Variants in CCDC6 observed in about 807,000 individuals in gnomAD.
CCDC6 encodes coiled-coil domain containing 6, also known as coiled-coil domain-containing protein 6.
Under a neutral mutation model 56.6 loss-of-function variants are expected in CCDC6, and 20 were observed. The ratio of observed to expected loss-of-function variants is 0.35; its 90% CI spans 0.25 to 0.51. The LOEUF (loss-of-function observed/expected upper bound fraction) is 0.51. Among genes scored for constraint, CCDC6 ranks in the 20% least tolerant of loss-of-function variants. The pLI is 0.95. For synonymous variants in CCDC6, 241 were observed against 234.4 expected, an observed-to-expected ratio of 1.03 and a Z score of -0.26; for missense variants, 367 against 601.1, an observed-to-expected ratio of 0.61 and a Z score of 4.07.
At position 59,791,654 on chromosome 10, in the gene CCDC6, G is replaced by C. The variant is rs564831950; in HGVS notation, c.*1263C>G. On this transcript the variant is annotated 3_prime_UTR_variant, in exon 9 of 9. Coordinates refer to ENST00000263102, the MANE Select transcript of CCDC6 (RefSeq NM_005436.5). ...AGCATATATAAATATGCAAACACAG[G>C]TGGTAAAAATCACTTTACTACCAAA... 4.8e-6 allele frequency: 1 copy of C among 208,172 alleles called. No individual in the cohort carries two copies. The highest frequency in any genetic ancestry group is 7.4e-5 in the East Asian group (1 of 13,586). 12.9% of individuals were successfully genotyped at this position (208,172 alleles called of 1,614,324 possible).
chr10:59,818,493 G>GA, intron 3 of CCDC6, among the ~76,000 whole-genome samples: 1 of 110,098 alleles, frequency 9.1e-6, no homozygotes, highest in Non-Finnish European at 1.8e-5. Context: ...TTATAATGTT[G>GA]ACGGGGGGGG....
intron 5 of CCDC6, among the ~76,000 whole-genome samples, chr10:59,810,615 T>G (rs548704650): frequency 2.9e-4 from 44 of 152,322 alleles, no homozygotes; most frequent in African/African-American, 1.0e-3. Context: ...CTATTTGATA[T>G]ATCTCATTTG....
chr10:59,865,583 G>C (rs2071169962), intron 1 of CCDC6, among the ~76,000 whole-genome samples: 2 of 152,174 alleles, frequency 1.3e-5, no homozygotes, highest in East Asian at 3.9e-4. Flanking sequence ...GCTGGGCACG[G>C]TGGCTCACGC....
At chr10:59,845,936 ATTAT>A (rs1280376818) in intron 2 of CCDC6, among the ~76,000 whole-genome samples, 3 of 152,220 alleles carry the variant, frequency 2.0e-5, no homozygotes, top group Admixed American at 2.0e-4. Context: ...TATTTCATAC[ATTAT>A]TTATCAGCTT....
At chr10:59,818,486 T>G (rs975789380) in intron 3 of CCDC6, among the ~76,000 whole-genome samples, 5 of 89,518 alleles carry the variant, frequency 5.6e-5, no homozygotes, top group African/African-American at 3.2e-4. Flanking sequence ...CCTTTTATTA[T>G]AATGTTGACG....
chr10:59,800,873 C>T (rs1236650871), intron 7 of CCDC6, among the ~76,000 whole-genome samples: 2 of 151,100 alleles, frequency 1.3e-5, no homozygotes, highest in Admixed American at 1.3e-4. Context: ...ACTTCCCTTG[C>T]TTTGATATGG....
chr10:59,811,172 G>A (rs952433777), intron 5 of CCDC6, among the ~76,000 whole-genome samples: 1 of 152,122 alleles, frequency 6.6e-6, no homozygotes, highest in African/African-American at 2.4e-5. Flanking sequence ...GAGCCTCTAG[G>A]TTTGTGGTAA....
chr10:59,814,411 A>G (rs2070696220), intron 4 of CCDC6, among the ~76,000 whole-genome samples: 1 of 152,222 alleles, frequency 6.6e-6, no homozygotes, highest in Admixed American at 6.5e-5. Context: ...ATTCTCTCAT[A>G]GCCTTGTAAC....
At chr10:59,906,042 G>C (rs1482112659) in intron 1 of CCDC6, 80 bp downstream of exon 1, 46 of 1,227,846 alleles carry the variant, frequency 3.7e-5, no homozygotes, top group Non-Finnish European at 4.8e-5. Flanking sequence ...GGAAGACTTG[G>C]GGGGTGGCTG....
Position 59,852,720 on chromosome 10 carries a change from AG to A in CCDC6, c.304-19del. The A allele has an allele frequency of 7.6e-6, 11 of 1,448,458 alleles. No homozygotes were observed. Among genetic ancestry groups the A allele is most frequent in the East Asian group, 4.9e-5 (2 of 40,944 alleles). The allele number at this position is 1,448,458 out of a possible 1,614,324, so 89.7% of individuals were successfully genotyped here. ...CTGGCTTGCTGTTTAAAAAAAAAAA[AG>A]GAAAGAACAAAACAAAACACATGTT... On this transcript the variant is annotated intron_variant, in intron 1 of 8. Coordinates refer to ENST00000263102, the MANE Select transcript of CCDC6 (RefSeq NM_005436.5).
chr10:59,801,477 CTTGACCTCA>C (rs1564737373), intron 7 of CCDC6, among the ~76,000 whole-genome samples: 1 of 152,116 alleles, frequency 6.6e-6, no homozygotes, highest in Non-Finnish European at 1.5e-5. Context: ...AATTCTTTGC[CTTGACCTCA>C]GTGACATCAT....
intron 2 of CCDC6, among the ~76,000 whole-genome samples, chr10:59,845,166 A>G (rs1295845021): frequency 6.6e-6 from 1 of 152,170 alleles, no homozygotes; most frequent in Non-Finnish European, 1.5e-5. Flanking sequence ...CCAACTAGAA[A>G]TAACAATATT....
chr10:59,885,014 A>G (rs2071371570), intron 1 of CCDC6, among the ~76,000 whole-genome samples: 2 of 151,910 alleles, frequency 1.3e-5, no homozygotes, highest in African/African-American at 4.8e-5. Context: ...CAGTGAGTTG[A>G]GATCGTGCCA....
intron 8 of CCDC6, among the ~76,000 whole-genome samples, chr10:59,793,752 C>G (rs888696377): frequency 3.3e-5 from 5 of 149,476 alleles, no homozygotes; most frequent in African/African-American, 1.2e-4. Context: ...CTGCTGAACT[C>G]CAGCCTGGAT....
Position 59,885,910 on chromosome 10 carries a change from A to ACC in CCDC6, c.303+20210_303+20211dup, listed in dbSNP as rs1431441962. On this transcript the variant is annotated intron_variant, in intron 1 of 8. Coordinates refer to ENST00000263102, the MANE Select transcript of CCDC6 (RefSeq NM_005436.5). ...ATCAGTTGTCTGATGTCTATTTCCA[A>ACC]CCCCGCCCCCCGCCCCCCCAACTAG... 3.4e-3 allele frequency among the ~76,000 whole-genome samples: 167 copies of ACC among 48,922 alleles called. 2 individuals carry two copies. Among genetic ancestry groups the ACC allele is most frequent in the African/African-American group, 5.1e-3 (67 of 13,034 alleles). The allele number at this position is 48,922 out of a possible 152,430, so 32.1% of individuals were successfully genotyped here.
At chr10:59,800,694 AT>A (rs1005212792) in intron 7 of CCDC6, among the ~76,000 whole-genome samples, 52 of 145,074 alleles carry the variant, frequency 3.6e-4, no homozygotes, top group African/African-American at 1.1e-3. Context: ...TGTACTATTG[AT>A]TTTTTTTTTC....
intron 1 of CCDC6, among the ~76,000 whole-genome samples, chr10:59,853,541 TAAATA>T (rs1190744629): frequency 6.6e-6 from 1 of 151,304 alleles, no homozygotes; most frequent in Non-Finnish European, 1.5e-5. Flanking sequence ...CTCAAAATAA[TAAATA>T]AAATAAAAAA....
chr10:59,906,019 C>T lies in CCDC6; in HGVS notation c.303+103G>A, dbSNP rs1027311823. ...GCAGGGAGTGTGCTCTCAGAGGGTC[C>T]CCGGGAATCTGGGGAAGACTTGGGG... is the stretch of plus-strand genomic sequence containing the variant. On this transcript the variant is annotated intron_variant, in intron 1 of 8. Coordinates refer to ENST00000263102, the MANE Select transcript of CCDC6 (RefSeq NM_005436.5). The T allele has an allele frequency of 1.4e-4, 140 of 1,029,256 alleles. 1 individual carries two copies. The African/African-American group carries it at 2.0e-3, about 15-fold the overall frequency. The allele number at this position is 1,029,256 out of a possible 1,614,324, so 63.8% of individuals were successfully genotyped here.
chr10:59,878,029 G>A (rs2071299737), intron 1 of CCDC6, among the ~76,000 whole-genome samples: 1 of 152,178 alleles, frequency 6.6e-6, no homozygotes, highest in Non-Finnish European at 1.5e-5. Flanking sequence ...ATGGAATTTA[G>A]ATGCCATTTC....
Sources: gnomAD v4.1 joint callset for allele counts (sites outside exome capture counted in the v4.1 genomes callset) on GRCh38, gnomAD v4.1.1 for gene constraint, MANE v1.5 for transcripts, NCBI Gene and HGNC (gene_info 2026-07-23, HGNC 2026-07-21) for gene names.